The following ARID2 variants were observed in gnomAD, a reference collection of about 807,000 sequenced individuals.
The protein encoded by ARID2 is AT-rich interactive domain-containing protein 2.
In ARID2, 32 loss-of-function variants were observed where a neutral mutation model predicts 184.6. The ratio of observed to expected loss-of-function variants is 0.17; its 90% CI spans 0.13 to 0.23. The LOEUF is 0.23. Ranked by LOEUF, ARID2 falls within the 10% of genes least tolerant of loss-of-function variation. The pLI, the probability that ARID2 is intolerant of heterozygous loss-of-function variation, is 1.00. For synonymous variants in ARID2, 836 were observed against 772.6 expected (o/e 1.08, Z -1.36); for missense variants, 1,696 against 2,197.6 (o/e 0.77, Z 4.56).
At chr12:45,899,416 A>G (rs1944417039) in intron 20 of ARID2, among the ~76,000 whole-genome samples, 1 of 149,792 alleles carries the variant, frequency 6.7e-6, no homozygotes, top group Non-Finnish European at 1.5e-5. Context: ...CATCCTGGCT[A>G]ACACAGTGAA....
intron 16 of ARID2, among the ~76,000 whole-genome samples, chr12:45,863,856 TG>T (rs71755093): frequency 0.059 from 3,466 of 58,746 alleles, 186 homozygotes; most frequent in African/African-American, 0.22. Context: ...CTTTTTTTTT[TG>T]TTTTTTTTTT....
intron 3 of ARID2, among the ~76,000 whole-genome samples, chr12:45,749,805 T>C (rs1030802280): frequency 6.6e-6 from 1 of 152,250 alleles, no homozygotes; most frequent in African/African-American, 2.4e-5. Context: ...CTTCAGACTT[T>C]CCTTCTGCAG....
In ARID2 at chr12:45,852,010, G is replaced by A. The variant is rs1390067410; in HGVS notation, c.3887G>A (p.Gly1296Glu). 1 of 1,614,116 alleles carries A rather than the reference G, an allele frequency of 6.2e-7. No homozygotes were observed. The highest frequency in any genetic ancestry group is 1.7e-5 in the Admixed American group (1 of 60,014). Residue 1296 changes from glycine to glutamate, a missense_variant, in exon 15 of 21, where the codon GGG becomes GAG. Around this residue, in one of 11 missense-constraint regions of ARID2, gnomAD observed 428 missense variants for 409.1 expected, o/e 1.05. Coordinates refer to ENST00000334344, the MANE Select transcript of ARID2 (RefSeq NM_152641.4). ...NEMHVGSLLNGRKYSDSSLPP... is the reference protein window; with the variant it reads ...NEMHVGSLLNERKYSDSSLPP... ...ATGCATGTGGGAAGTCTTTTAAATG[G>A]GAGAAAGTACAGTGACTCAAGTCTA... is the stretch of plus-strand genomic sequence containing the variant.
At chr12:45,831,803 C>A (rs1390038257) in intron 6 of ARID2, among the ~76,000 whole-genome samples, 1 of 151,998 alleles carries the variant, frequency 6.6e-6, no homozygotes, top group Non-Finnish European at 1.5e-5. Context: ...TCAGTTTTTA[C>A]CTTACGTCTT....
chr12:45,868,929 T>C (rs982680081), intron 16 of ARID2, among the ~76,000 whole-genome samples: 2 of 152,360 alleles, frequency 1.3e-5, no homozygotes, highest in Admixed American at 6.5e-5. Flanking sequence ...TACTAGGCAC[T>C]GTGCCGGGTT....
At position 45,730,035 on chromosome 12, in the gene ARID2, C is replaced by G. The variant is rs1241609790; in HGVS notation, c.93-9C>G. On this transcript the variant is annotated splice_polypyrimidine_tract_variant and intron_variant, in intron 1 of 20. Transcript: ENST00000334344. ...GGCTGACAAGTGCGGGGCTTTTTCT[C>G]TCCCGCAGGTCGCCTTTTAAAAAAA... is the stretch of plus-strand genomic sequence containing the variant. 2.5e-6 allele frequency: 4 copies of G among 1,612,886 alleles called. No homozygotes were observed. Among genetic ancestry groups the G allele is most frequent in the East Asian group, 4.5e-5 (2 of 44,782 alleles).
chr12:45,890,065 A>C (rs1024626566), intron 16 of ARID2, among the ~76,000 whole-genome samples: 2 of 152,230 alleles, frequency 1.3e-5, no homozygotes, highest in Non-Finnish European at 2.9e-5. Context: ...AACCACCACA[A>C]CAATCAATGA....
intron 20 of ARID2, among the ~76,000 whole-genome samples, chr12:45,895,713 T>C (rs1035291794): frequency 1.3e-5 from 2 of 152,188 alleles, no homozygotes; most frequent in African/African-American, 2.4e-5. Flanking sequence ...TTTTGTATTT[T>C]TAGTAGCGAC....
At chr12:45,816,607 G>A (rs1185629000) in intron 4 of ARID2, among the ~76,000 whole-genome samples, 9 of 152,024 alleles carry the variant, frequency 5.9e-5, no homozygotes, top group Non-Finnish European at 1.3e-4. Context: ...AATATGTCCC[G>A]ACAAAATCCT....
chr12:45,830,098 TATA>T (rs948812153), intron 6 of ARID2, among the ~76,000 whole-genome samples: 3 of 150,018 alleles, frequency 2.0e-5, no homozygotes, highest in Non-Finnish European at 3.0e-5. Flanking sequence ...AATATATAAA[TATA>T]TAATATGTAA....
chr12:45,872,937 A>G (rs1022356557), intron 16 of ARID2, among the ~76,000 whole-genome samples: 2 of 152,162 alleles, frequency 1.3e-5, no homozygotes, highest in Middle Eastern at 3.2e-3. Flanking sequence ...TTTTCTGCCT[A>G]TTGGATCTGT....
At position 45,821,278 on chromosome 12, in the gene ARID2, A is replaced by G. The variant is rs1331234163; in HGVS notation, c.638-142A>G. 1.0e-4 allele frequency: 46 copies of G among 440,666 alleles called. No individual in the cohort carries two copies. The Admixed American group carries it at 1.2e-3, about 11-fold the overall frequency. The allele number at this position is 440,666 out of a possible 1,614,324, so 27.3% of individuals were successfully genotyped here. A position where few individuals can be genotyped will look rare whatever the true frequency, so the allele number is the denominator to read the frequency against. On this transcript the variant is annotated intron_variant, in intron 5 of 20. Transcript: ENST00000334344. ...TATTTCAAAAGAAATTATCATGACT[A>G]TCATTTACTATAAAATAATTTTTAG...
intron 3 of ARID2, among the ~76,000 whole-genome samples, chr12:45,808,519 G>T (rs1237987013): frequency 1.3e-5 from 2 of 152,036 alleles, no homozygotes; most frequent in African/African-American, 4.8e-5. Context: ...GACCAGAAAT[G>T]ATGTATTTTT....
At chr12:45,802,540 G>A (rs1332263734) in intron 3 of ARID2, among the ~76,000 whole-genome samples, 2 of 151,978 alleles carry the variant, frequency 1.3e-5, no homozygotes, top group African/African-American at 2.4e-5. Context: ...GTAACGGGTA[G>A]ATTGTCTTTA....
rs2138192609 is a variant in ARID2 at position 45,860,969 on chromosome 12, G to A, written c.4922+20G>A. 6.6e-7 allele frequency: 1 copy of A among 1,514,610 alleles called. No homozygotes were observed. The highest frequency in any genetic ancestry group is 8.9e-7 in the Non-Finnish European group (1 of 1,129,048). 93.8% of individuals were successfully genotyped at this position (1,514,610 alleles called of 1,614,324 possible). ...TAAAAAGTAAATGGCAATTTTATTT[G>A]ATATATAAAAGTATTCTTTGTTTTG... is the stretch of plus-strand genomic sequence containing the variant. On this transcript the variant is annotated intron_variant, in intron 16 of 20. Coordinates refer to ENST00000334344, the MANE Select transcript of ARID2 (RefSeq NM_152641.4).
At chr12:45,797,032 C>G (rs547004709) in intron 3 of ARID2, among the ~76,000 whole-genome samples, 1 of 152,194 alleles carries the variant, frequency 6.6e-6, no homozygotes, top group East Asian at 1.9e-4. Context: ...ATCTGTGTTT[C>G]TCGTGTGCAT....
intron 5 of ARID2, 26 bp from the exon 6 acceptor site, chr12:45,821,394 G>A (rs776883048): frequency 3.0e-5 from 40 of 1,346,408 alleles, no homozygotes; most frequent in Non-Finnish European, 3.7e-5. Flanking sequence ...TTTATTGAAT[G>A]TACTATTTAT....
rs1434804208 is a variant in ARID2 at position 45,906,512 on chromosome 12, A to G, written c.*1434A>G. 8.6e-6 allele frequency: 2 copies of G among 232,832 alleles called. No individual in the cohort carries two copies. Among genetic ancestry groups the G allele is most frequent in the African/African-American group, 2.2e-5 (1 of 45,308 alleles). The allele number at this position is 232,832 out of a possible 1,614,324, so 14.4% of individuals were successfully genotyped here. On this transcript the variant is annotated 3_prime_UTR_variant, in exon 21 of 21. Coordinates refer to ENST00000334344, the MANE Select transcript of ARID2 (RefSeq NM_152641.4). ...GCTTTATTTACTTTGGTGACTGTTTATAGTTTTTAAATAAAAGACTGAACA... is the reference window on the plus strand; with the variant it reads ...GCTTTATTTACTTTGGTGACTGTTTGTAGTTTTTAAATAAAAGACTGAACA...
In ARID2 at chr12:45,852,048, T is replaced by C. The variant is rs2138175608; in HGVS notation, c.3925T>C (p.Ser1309Pro). 1 of 1,614,040 alleles carries C rather than the reference T, an allele frequency of 6.2e-7. No individual in the cohort carries two copies. The highest frequency in any genetic ancestry group is 8.5e-7 in the Non-Finnish European group (1 of 1,179,974). ...TGACTCAAGTCTACCTCCTTCAAAC[T>C]CAGGGAAAATTCAAAGTGAGACTAA... is the stretch of plus-strand genomic sequence containing the variant. ...YSDSSLPPSN[S>P]GKIQSETNQC... is the part of the protein sequence containing the mutation. Residue 1309 changes from serine (S) to proline (P), a missense_variant, in exon 15 of 21, where the codon TCA becomes CCA. This residue lies in a region of ARID2 where 428 missense variants were observed against 409.1 expected (regional missense o/e 1.05). Coordinates refer to ENST00000334344, the MANE Select transcript of ARID2 (RefSeq NM_152641.4).
Sources: allele counts gnomAD v4.1 joint callset (sites outside exome capture counted in the v4.1 genomes callset), GRCh38; gene constraint gnomAD v4.1.1; regional missense constraint gnomAD v4.1.1; transcripts MANE v1.5; gene names NCBI Gene and HGNC (gene_info 2026-07-23, HGNC 2026-07-21).